The following PPP2R3C variants were observed in gnomAD, a reference collection of about 807,000 sequenced individuals.
PPP2R3C encodes the protein serine/threonine-protein phosphatase 2A regulatory subunit B'' subunit gamma.
In PPP2R3C, 47 loss-of-function variants were observed where a neutral mutation model predicts 63.7. The ratio of observed to expected loss-of-function variants is 0.74; its 90% CI spans 0.58 to 0.94. The LOEUF (loss-of-function observed/expected upper bound fraction) is 0.94, where lower values mean the gene tolerates loss of function less well. Ranked by LOEUF, PPP2R3C falls within the 40% of genes least tolerant of loss-of-function variation. The pLI is 0.00. For synonymous variants in PPP2R3C, 180 were observed against 177.4 expected, an observed-to-expected ratio of 1.01 and a Z score of -0.12; for missense variants, 421 against 518.4, an observed-to-expected ratio of 0.81 and a Z score of 1.82.
intron 11 of PPP2R3C, 27 bp downstream of exon 11, chr14:35,091,043 T>C: frequency 6.3e-7 from 1 of 1,578,896 alleles, no homozygotes; most frequent in Non-Finnish European, 8.7e-7. Context: ...TAAGGAACAA[T>C]GACTCACTTA....
At chr14:35,121,775 T>A (rs2046906461) in intron 1 of PPP2R3C, 127 bp downstream of exon 1, 1 of 1,055,364 alleles carries the variant, frequency 9.5e-7, no homozygotes. Context: ...CCACTCCGCC[T>A]CCTTTGTCGG....
At chr14:35,120,815 G>C (rs1171870834) in intron 1 of PPP2R3C, among the ~76,000 whole-genome samples, 2 of 152,082 alleles carry the variant, frequency 1.3e-5, no homozygotes, top group African/African-American at 4.8e-5. Flanking sequence ...GTGTGGTGGC[G>C]TGTGCCTGTA....
rs1566680345 is a variant in PPP2R3C at position 35,085,797 on chromosome 14, T to TA, written c.1174-20dup. On this transcript the variant is annotated intron_variant, in intron 12 of 12. Coordinates refer to ENST00000261475, the MANE Select transcript of PPP2R3C (RefSeq NM_017917.4). Reference sequence around the variant, plus strand: ...TTTCATCCTGCAAGAGAAAAAAAAATACAATGAAATTTGATCCACTTAATT... The same window carrying TA: ...TTTCATCCTGCAAGAGAAAAAAAAATAACAATGAAATTTGATCCACTTAATT... 6 of 1,560,638 alleles carry TA rather than the reference T, an allele frequency of 3.8e-6. No homozygotes were observed. The highest frequency in any genetic ancestry group is 4.4e-6 in the Non-Finnish European group (5 of 1,145,544).
chr14:35,106,235 A>C (rs2046353771), intron 6 of PPP2R3C: 1 of 152,232 alleles, frequency 6.6e-6, no homozygotes, highest in Non-Finnish European at 1.5e-5. Flanking sequence ...AAACGTTTTG[A>C]TAGTTTAAAG....
intron 9 of PPP2R3C, 130 bp downstream of exon 9, chr14:35,096,428 A>C: frequency 1.1e-6 from 1 of 886,488 alleles, no homozygotes; most frequent in Non-Finnish European, 1.7e-6. Context: ...GGTAATGTAG[A>C]ATACTAAAGC....
intron 9 of PPP2R3C, among the ~76,000 whole-genome samples, chr14:35,095,718 C>T (rs578146373): frequency 7.2e-4 from 109 of 150,664 alleles, no homozygotes; most frequent in South Asian, 1.9e-3. Context: ...GGTGTGGTGG[C>T]GAGCGCCTGT....
At chr14:35,118,117 G>GT (rs1468453713) in intron 1 of PPP2R3C, among the ~76,000 whole-genome samples, 2 of 152,188 alleles carry the variant, frequency 1.3e-5, no homozygotes, top group African/African-American at 2.4e-5. Context: ...GACCACTGAA[G>GT]TTAACAATAT....
At chr14:35,111,541 C>A (rs1036444876) in intron 2 of PPP2R3C, among the ~76,000 whole-genome samples, 1 of 152,158 alleles carries the variant, frequency 6.6e-6, no homozygotes, top group African/African-American at 2.4e-5. Flanking sequence ...CAGGAGGATG[C>A]GAAGGACCAG....
upstream of PPP2R3C, chr14:35,122,026 GC>G: frequency 2.5e-6 from 4 of 1,572,674 alleles, no homozygotes; most frequent in Non-Finnish European, 3.5e-6. Context: ...ACCAGCTCAG[GC>G]GTCAGCACCG....
chr14:35,111,650 A>G (rs1263375850), intron 2 of PPP2R3C, among the ~76,000 whole-genome samples: 3 of 152,152 alleles, frequency 2.0e-5, no homozygotes, highest in African/African-American at 4.8e-5. Flanking sequence ...AAATAACATC[A>G]CTATTGTAGT....
chr14:35,114,209 T>C (rs778409697), intron 2 of PPP2R3C, among the ~76,000 whole-genome samples: 4 of 152,210 alleles, frequency 2.6e-5, no homozygotes, highest in Admixed American at 2.0e-4. Context: ...CACAGAAATA[T>C]GTAGAAAGAT....
intron 9 of PPP2R3C, among the ~76,000 whole-genome samples, chr14:35,095,686 C>CAAA (rs111255611): frequency 9.8e-5 from 13 of 133,102 alleles, no homozygotes; most frequent in Non-Finnish European, 1.5e-4. Context: ...AAAAAAAAAA[C>CAAA]AAAAAAAAAA....
Position 35,096,553 on chromosome 14 carries a change from C to CA in PPP2R3C, c.838+4dup. On this transcript the variant is annotated splice_donor_region_variant and intron_variant, in intron 9 of 12. Transcript: ENST00000261475. ...TCAAATTTTAGCATTATGATAGGAA[C>CA]ATACCATAAACTCTTAGGGCAGAAG... is the stretch of plus-strand genomic sequence containing the variant. 6.2e-7 allele frequency: 1 copy of CA among 1,609,566 alleles called. No individual in the cohort carries two copies. Among genetic ancestry groups the CA allele is most frequent in the South Asian group, 1.1e-5 (1 of 90,826 alleles).
chr14:35,093,515 CCT>C (rs2045898511), intron 10 of PPP2R3C, among the ~76,000 whole-genome samples: 1 of 151,960 alleles, frequency 6.6e-6, no homozygotes, highest in Non-Finnish European at 1.5e-5. Context: ...TGCCTTTTCC[CCT>C]CTTTTCTTTT....
chr14:35,117,243 A>C (rs1595131604), intron 1 of PPP2R3C: 2 of 442,224 alleles, frequency 4.5e-6, no homozygotes, highest in Non-Finnish European at 9.1e-6. Flanking sequence ...GGGCTCTATT[A>C]CCCTGCAACT....
intron 2 of PPP2R3C, among the ~76,000 whole-genome samples, chr14:35,115,889 T>C (rs896424281): frequency 5.9e-5 from 9 of 152,088 alleles, no homozygotes; most frequent in Non-Finnish European, 1.2e-4. Flanking sequence ...TCCCAAAGTG[T>C]TGGGATTACA....
intron 11 of PPP2R3C, among the ~76,000 whole-genome samples, chr14:35,089,478 G>A (rs2045718885): frequency 6.6e-6 from 1 of 151,874 alleles, no homozygotes; most frequent in South Asian, 2.1e-4. Flanking sequence ...AGCCTCCCCA[G>A]TAACCGGGAC....
intron 10 of PPP2R3C, among the ~76,000 whole-genome samples, chr14:35,093,043 T>C (rs2045876133): frequency 6.8e-6 from 1 of 147,926 alleles, no homozygotes; most frequent in African/African-American, 2.5e-5. Context: ...ACTCCGTCTC[T>C]ACTAAAAATA....
At chr14:35,110,299 T>A (rs1160314732) in intron 3 of PPP2R3C, 1 of 477,248 alleles carries the variant, frequency 2.1e-6, no homozygotes, top group Non-Finnish European at 3.7e-6. Flanking sequence ...TGGCTGCACA[T>A]TAGAATCACC....
Sources: gnomAD v4.1 joint callset for allele counts (sites outside exome capture counted in the v4.1 genomes callset) on GRCh38, gnomAD v4.1.1 for gene constraint, MANE v1.5 for transcripts, NCBI Gene and HGNC (gene_info 2026-07-23, HGNC 2026-07-21) for gene names.